The following PTPN14 variants were observed in gnomAD, a reference collection of about 807,000 sequenced individuals.
PTPN14 encodes protein tyrosine phosphatase non-receptor type 14.
PTPN14 carries 53 observed loss-of-function variants against 126.8 expected under a neutral mutation model. That is an observed-to-expected ratio of 0.42 (90% CI 0.34 to 0.53). The LOEUF (loss-of-function observed/expected upper bound fraction) is 0.53. PTPN14 is among the 20% of genes least tolerant of loss of function. The pLI is 0.08. For missense variants in PTPN14, 1,257 were observed against 1,552.9 expected (o/e 0.81, Z 3.20); for synonymous variants, 630 against 599.3 (o/e 1.05, Z -0.75).
Position 214,386,846 on chromosome 1 carries a change from T to C in PTPN14, c.1064A>G (p.Gln355Arg), listed in dbSNP as rs1658627250. 1.3e-6 allele frequency: 2 copies of C among 1,593,144 alleles called. No individual in the cohort carries two copies. The highest frequency in any genetic ancestry group is 4.5e-5 in the East Asian group (2 of 44,752). The part of the protein sequence containing the change: ...GEHYSETHTS[Q>R]DSIFHGNEEA... ...GGAGAACGGCAAGCCAGAGTTACCT[T>C]GCGAGGTGTGCGTTTCCGAGTAGTG... The change falls in exon 12 of 19, where the codon CAA (glutamine) becomes CGA (arginine). Residue 355 changes from glutamine to arginine, a missense_variant and splice_region_variant. Coordinates refer to ENST00000366956, the MANE Select transcript of PTPN14 (RefSeq NM_005401.5).
intron 1 of PTPN14, among the ~76,000 whole-genome samples, chr1:214,471,091 T>A (rs1178557555): frequency 4.0e-5 from 6 of 149,132 alleles, no homozygotes; most frequent in Non-Finnish European, 7.4e-5. Flanking sequence ...TTTTTTTTTT[T>A]AAAGACTTAG....
Position 214,448,989 on chromosome 1 carries a change from G to A in PTPN14, c.344+2816C>T, listed in dbSNP as rs1486157522. Among the ~76,000 whole-genome samples, 4 of 149,886 alleles carry A rather than the reference G, an allele frequency of 2.7e-5. No homozygotes were observed. The East Asian group carries it at 7.9e-4, about 29-fold the overall frequency. On this transcript the variant is annotated intron_variant, in intron 3 of 18. Transcript: ENST00000366956. ...AATATCTAAAGGCAGCTACTACTGT[G>A]CCCTTGTAAGACTTAATTTTTCTTT...
At position 214,494,231 on chromosome 1, in the gene PTPN14, T is replaced by C. The variant is rs1474198646; in HGVS notation, c.-154-29274A>G. ...GACTACAGGCGCCCAGCTAATTTTT[T>C]GTGTTTTTAGTAGAGACAGGGTTTC... On this transcript the variant is annotated intron_variant, in intron 1 of 18. Coordinates refer to ENST00000366956, the MANE Select transcript of PTPN14 (RefSeq NM_005401.5). Among the ~76,000 whole-genome samples the C allele has an allele frequency of 2.0e-5, 3 of 152,136 alleles. No individual in the cohort carries two copies. In the East Asian group the frequency reaches 5.8e-4, roughly 29 times the overall value.
rs376016680 is a variant in PTPN14, at chr1:214,463,463, T to C, written c.174+1167A>G. ...GAAAAATATACCTAAAAGGAATACCTGATCACTGAAACCAAAGTATAAACA... is the reference window on the plus strand; with the variant it reads ...GAAAAATATACCTAAAAGGAATACCCGATCACTGAAACCAAAGTATAAACA... On this transcript the variant is annotated intron_variant, in intron 2 of 18. Transcript: ENST00000366956. Among the ~76,000 whole-genome samples, 9 of 152,342 alleles carry C rather than the reference T, an allele frequency of 5.9e-5. No individual in the cohort carries two copies. The East Asian group carries it at 1.5e-3, about 26-fold the overall frequency.
intron 12 of PTPN14, among the ~76,000 whole-genome samples, chr1:214,385,520 C>A (rs558242290): frequency 6.6e-6 from 1 of 151,718 alleles, no homozygotes; most frequent in East Asian, 1.9e-4. Flanking sequence ...TACAATCAGG[C>A]CCAACCTGAT....
chr1:214,518,330 G>C (rs1360121246), intron 1 of PTPN14, among the ~76,000 whole-genome samples: 1 of 152,150 alleles, frequency 6.6e-6, no homozygotes, highest in Non-Finnish European at 1.5e-5. Flanking sequence ...TCCCTAACCA[G>C]ATTCAGAAAC....
In PTPN14 at chr1:214,357,993, G is replaced by C. The variant is rs376050971; in HGVS notation, c.3493C>G (p.Gln1165Glu). 1 of 1,613,660 alleles carries C rather than the reference G, an allele frequency of 6.2e-7. No homozygotes were observed. ...ACAAACTTGTACTGAGCGATAGTCT[G>C]GATCATGAACATCCTCTGCTCCCTG... The part of the protein sequence containing the change: ...LLREQRMFMI[Q>E]TIAQYKFVYQ... Residue 1165 changes from glutamine (Q) to glutamate (E), a missense_variant, in exon 19 of 19, where the codon CAG becomes GAG. Coordinates refer to ENST00000366956, the MANE Select transcript of PTPN14 (RefSeq NM_005401.5).
intron 1 of PTPN14, among the ~76,000 whole-genome samples, chr1:214,505,634 G>T (rs759004597): frequency 3.9e-5 from 6 of 152,176 alleles, no homozygotes; most frequent in Non-Finnish European, 8.8e-5. Context: ...AGTGTCTCAC[G>T]CCTGTAACCC....
intron 1 of PTPN14, among the ~76,000 whole-genome samples, chr1:214,520,065 A>AAAAAAAAAAATATAT: frequency 6.3e-4 from 45 of 71,094 alleles, no homozygotes; most frequent in African/African-American, 2.8e-3. Context: ...AAAAAAAAAA[A>AAAAAAAAAAATATAT]ATATATATAT....
chr1:214,427,588 A>T (rs1357330981), intron 3 of PTPN14, among the ~76,000 whole-genome samples: 1 of 152,184 alleles, frequency 6.6e-6, no homozygotes, highest in African/African-American at 2.4e-5. Flanking sequence ...GGCACTAGGG[A>T]TATCACAGTG....
rs551197311 is a variant in PTPN14, at chr1:214,359,023, C to A, written c.3436-973G>T. Among the ~76,000 whole-genome samples, 5 of 151,962 alleles carry A rather than the reference C, an allele frequency of 3.3e-5. No individual in the cohort carries two copies. The South Asian group carries it at 8.3e-4, about 25-fold the overall frequency. ...CCTCCCAAAGTGCTGGGATTACAGG[C>A]GTGAGCCACCCCGCCTGACCTCATT... On this transcript the variant is annotated intron_variant, in intron 18 of 18. Coordinates refer to ENST00000366956, the MANE Select transcript of PTPN14 (RefSeq NM_005401.5).
At chr1:214,505,933 A>G (rs1015710044) in intron 1 of PTPN14, among the ~76,000 whole-genome samples, 2 of 152,062 alleles carry the variant, frequency 1.3e-5, no homozygotes, top group African/African-American at 4.8e-5. Context: ...AAATATTCCA[A>G]CTCAGAGCGA....
chr1:214,448,262 G>A (rs1449415085), intron 3 of PTPN14, among the ~76,000 whole-genome samples: 4 of 152,044 alleles, frequency 2.6e-5, no homozygotes, highest in Admixed American at 6.5e-5. Context: ...ATGGAATCTC[G>A]CTCTGTCGCC....
chr1:214,404,087 T>C (rs1200248634), intron 5 of PTPN14, among the ~76,000 whole-genome samples: 1 of 152,162 alleles, frequency 6.6e-6, no homozygotes, highest in African/African-American at 2.4e-5. Context: ...TAAAGATTCA[T>C]CTCCAACTTA....
At chr1:214,424,225 G>A (rs988776442) in intron 3 of PTPN14, among the ~76,000 whole-genome samples, 1 of 151,684 alleles carries the variant, frequency 6.6e-6, no homozygotes, top group Admixed American at 6.6e-5. Flanking sequence ...AACTTGGGAG[G>A]TGGAGGTTGC....
At position 214,354,978 on chromosome 1, in the gene PTPN14, C is replaced by T. The variant is rs571564435; in HGVS notation, c.*2944G>A. On this transcript the variant is annotated 3_prime_UTR_variant, in exon 19 of 19. Transcript: ENST00000366956. The stretch of plus-strand genomic sequence containing the variant: ...TGGGCAATTATTATGCAGATGCCAC[C>T]GAAAGGACTTTAAATGGCTGCTGCT... 5 of 152,210 alleles carry T rather than the reference C, an allele frequency of 3.3e-5. No homozygotes were observed. The highest frequency in any genetic ancestry group is 3.9e-4 in the East Asian group (2 of 5,186). 9.4% of individuals were successfully genotyped at this position (152,210 alleles called of 1,614,324 possible).
At chr1:214,372,332 A>G in intron 16 of PTPN14, 1 of 270,824 alleles carries the variant, frequency 3.7e-6, no homozygotes. Context: ...CGATTTGCCC[A>G]GAGCAGCCTG....
At position 214,372,792 on chromosome 1, in the gene PTPN14, G is replaced by A; in HGVS notation, c.2955C>T (p.Pro985=). The change falls in exon 16 of 19, where the codon CCC becomes CCT. Residue 985 remains proline (P), a synonymous_variant. Coordinates refer to ENST00000366956, the MANE Select transcript of PTPN14 (RefSeq NM_005401.5). ...AEWHYIATQG[P]LPHTCHDFWQ... ...AGAAGTCGTGGCACGTGTGTGGCAG[G>A]GGCCCCTGGGTGGCTATGTAGTGCC... 2 of 1,614,152 alleles carry A rather than the reference G, an allele frequency of 1.2e-6. No homozygotes were observed. Among genetic ancestry groups the A allele is most frequent in the South Asian group, 1.1e-5 (1 of 91,076 alleles).
At chr1:214,423,125 A>C (rs1192872665) in intron 3 of PTPN14, among the ~76,000 whole-genome samples, 1 of 151,874 alleles carries the variant, frequency 6.6e-6, no homozygotes, top group Non-Finnish European at 1.5e-5. Flanking sequence ...AGAAACAAAA[A>C]AGGAAAGGGA....
Sources: allele counts gnomAD v4.1 joint callset (sites outside exome capture counted in the v4.1 genomes callset), GRCh38; gene constraint gnomAD v4.1.1; transcripts MANE v1.5; gene names NCBI Gene and HGNC (gene_info 2026-07-23, HGNC 2026-07-21).